PKN2: variants seen among roughly 807,000 people sequenced by gnomAD.
PKN2 encodes protein kinase N2.
A neutral mutation model predicts 119.1 loss-of-function variants in PKN2; 38 were observed. The observed-to-expected ratio is 0.32, with a 90% CI of 0.25 to 0.42. PKN2 has a LOEUF of 0.42. PKN2 is among the 10% of genes least tolerant of loss of function. The pLI is 1.00. For missense variants in PKN2, 850 were observed against 1,165.1 expected (o/e 0.73, Z 3.94); for synonymous variants, 390 against 384.9 (o/e 1.01, Z -0.15).
At chr1:88,817,286 CA>C in intron 16 of PKN2, among the ~76,000 whole-genome samples, 1 of 151,782 alleles carries the variant, frequency 6.6e-6, no homozygotes, top group Non-Finnish European at 1.5e-5. Context: ...TAAACAGAAC[CA>C]ATGACAAAAA....
At chr1:88,764,990 T>C (rs900458064) in intron 3 of PKN2, among the ~76,000 whole-genome samples, 8 of 152,126 alleles carry the variant, frequency 5.3e-5, no homozygotes, top group Non-Finnish European at 1.2e-4. Context: ...AGTGGCGCAA[T>C]TGGCTCACTG....
chr1:88,742,180 T>C (rs891421024), intron 2 of PKN2, among the ~76,000 whole-genome samples: 3 of 152,058 alleles, frequency 2.0e-5, no homozygotes, highest in Admixed American at 2.0e-4. Flanking sequence ...AGTGTGAGAG[T>C]GTATAGAGTA....
intron 1 of PKN2, among the ~76,000 whole-genome samples, chr1:88,697,270 A>G (rs935212571): frequency 6.6e-6 from 1 of 152,180 alleles, no homozygotes; most frequent in Non-Finnish European, 1.5e-5. Flanking sequence ...AGCAACTGAC[A>G]TATAGGTTAT....
intron 16 of PKN2, among the ~76,000 whole-genome samples, chr1:88,817,250 C>A (rs1672033387): frequency 6.6e-6 from 1 of 152,096 alleles, no homozygotes; most frequent in Non-Finnish European, 1.5e-5. Flanking sequence ...TCAACACACA[C>A]AAATCAATAA....
chr1:88,799,019 T>G (rs1671205623), intron 8 of PKN2, among the ~76,000 whole-genome samples: 1 of 152,150 alleles, frequency 6.6e-6, no homozygotes, highest in African/African-American at 2.4e-5. Context: ...GAGAATAAGA[T>G]ATAAGATTAG....
intron 1 of PKN2, among the ~76,000 whole-genome samples, chr1:88,740,197 C>T (rs543850575): frequency 6.6e-6 from 1 of 152,124 alleles, no homozygotes; most frequent in African/African-American, 2.4e-5. Context: ...GATCCTGGAA[C>T]CAACCTCCCA....
At chr1:88,832,607 ATTGTTGTTG>A (rs3835587) in intron 19 of PKN2, 128 bp from the exon 20 acceptor site, 25 of 576,072 alleles carry the variant, frequency 4.3e-5, no homozygotes, top group South Asian at 3.9e-4. Flanking sequence ...GCATGGGTTT[ATTGTTGTTG>A]TTGTTGTTGT....
rs182741587 is a variant in PKN2 at position 88,744,022 on chromosome 1, A to C, written c.349+2734A>C. Among the ~76,000 whole-genome samples, 3 of 152,314 alleles carry C rather than the reference A, an allele frequency of 2.0e-5. No individual in the cohort carries two copies. The East Asian group carries it at 5.8e-4, about 29-fold the overall frequency. On this transcript the variant is annotated intron_variant, in intron 2 of 21. Transcript: ENST00000370521. ...ATTTTATTAAAAAAATTCTGTTTGC[A>C]AATGGCATATTTACACAACTTGGTA...
rs1669390867 is a variant in PKN2 at position 88,760,270 on chromosome 1, C to T, written c.398C>T (p.Thr133Ile). Reference protein sequence around the residue: ...DTPNNDPRCSTSNNRLKALQK... With the variant: ...DTPNNDPRCSISNNRLKALQK... ...CCAAATAATGACCCTCGTTGTTCTA[C>T]TAGCAACAATAGATTGAAGGCCTTA... The change falls in exon 3 of 22, where the codon ACT becomes ATT. Residue 133 changes from threonine to isoleucine, a missense_variant. By Grantham distance (89) the Thr-to-Ile change is moderately conservative (BLOSUM62 -1). Transcript: ENST00000370521. 2 of 1,578,128 alleles carry T rather than the reference C, an allele frequency of 1.3e-6. No individual in the cohort carries two copies. The highest frequency in any genetic ancestry group is 1.7e-6 in the Non-Finnish European group (2 of 1,150,368).
At chr1:88,717,045 C>T (rs1034594028) in intron 1 of PKN2, among the ~76,000 whole-genome samples, 1 of 152,130 alleles carries the variant, frequency 6.6e-6, no homozygotes, top group African/African-American at 2.4e-5. Context: ...ATTTCTCCTT[C>T]ACTTATGAAG....
At chr1:88,788,149 A>G (rs953728611) in intron 8 of PKN2, among the ~76,000 whole-genome samples, 1 of 152,174 alleles carries the variant, frequency 6.6e-6, no homozygotes, top group African/African-American at 2.4e-5. Flanking sequence ...TCATTTCAAG[A>G]TAAAAAATTC....
intron 17 of PKN2, among the ~76,000 whole-genome samples, chr1:88,823,450 C>T (rs1363854511): frequency 2.0e-5 from 3 of 151,898 alleles, no homozygotes; most frequent in African/African-American, 7.3e-5. Flanking sequence ...ACCTGTAATC[C>T]CAGCACTTTT....
intron 1 of PKN2, among the ~76,000 whole-genome samples, chr1:88,705,320 A>G (rs1666932991): frequency 6.6e-6 from 1 of 151,866 alleles, no homozygotes; most frequent in African/African-American, 2.4e-5. Context: ...TTGTGAGGTA[A>G]TTTTTGTTTA....
chr1:88,804,739 T>A, intron 9 of PKN2, 107 bp from the exon 10 acceptor site: 1 of 749,050 alleles, frequency 1.3e-6, no homozygotes, highest in Non-Finnish European at 2.2e-6. Flanking sequence ...AATGAGGGGC[T>A]GGACTAAACT....
rs532815509 is a variant in PKN2, at chr1:88,711,109, T to C, written c.48+26481T>C. Among the ~76,000 whole-genome samples, 3 of 152,106 alleles carry C rather than the reference T, an allele frequency of 2.0e-5. No homozygotes were observed. In the South Asian group the frequency reaches 6.2e-4, roughly 32 times the overall value. On this transcript the variant is annotated intron_variant, in intron 1 of 21. Transcript: ENST00000370521. The stretch of plus-strand genomic sequence containing the variant: ...TAAATGATGAGAACACGTGGGCACA[T>C]AGAGGGGAACAACAGACACTGGAGC...
rs1671451791 is a variant in PKN2, at chr1:88,804,369, T to C, written c.1282-22T>C. On this transcript the variant is annotated intron_variant, in intron 8 of 21. Transcript: ENST00000370521. ...AATGATGTCTTTTCTGTTTTCTTTA[T>C]TATTTTTTTTAATTATCCTAGTCAC... 3 of 1,561,428 alleles carry C rather than the reference T, an allele frequency of 1.9e-6. No individual in the cohort carries two copies. In the African/African-American group the frequency reaches 4.1e-5, roughly 22 times the overall value.
In PKN2 at chr1:88,833,174, A is replaced by T. The variant is rs1672800391; in HGVS notation, c.2751+17A>T. The T allele has an allele frequency of 1.2e-6, 2 of 1,610,914 alleles. No individual in the cohort carries two copies. The highest frequency in any genetic ancestry group is 2.7e-5 in the African/African-American group (2 of 74,788). On this transcript the variant is annotated intron_variant, in intron 21 of 21. Coordinates refer to ENST00000370521, the MANE Select transcript of PKN2 (RefSeq NM_006256.4). ...TTTTTCCGGGTAAGTGTGACTATTT[A>T]AAATTTTTTATGAAACTAGAGCGAT...
chr1:88,820,426 A>T (rs1234007324), intron 16 of PKN2, among the ~76,000 whole-genome samples: 1 of 150,388 alleles, frequency 6.6e-6, no homozygotes, highest in Non-Finnish European at 1.5e-5. Context: ...CCAGCTACTC[A>T]GGAGGCTGAG....
At chr1:88,747,042 TAAA>T (rs1424010976) in intron 2 of PKN2, among the ~76,000 whole-genome samples, 1 of 152,098 alleles carries the variant, frequency 6.6e-6, no homozygotes, top group Non-Finnish European at 1.5e-5. Context: ...TGTGGAATCT[TAAA>T]AAGACAAATT....
Sources: allele counts gnomAD v4.1 joint callset (sites outside exome capture counted in the v4.1 genomes callset), GRCh38; gene constraint gnomAD v4.1.1; transcripts MANE v1.5; gene names NCBI Gene and HGNC (gene_info 2026-07-23, HGNC 2026-07-21).